Variants in SLC14A2 observed in about 807,000 individuals in gnomAD.
SLC14A2 encodes solute carrier family 14 member 2, also known as urea transporter 2.
Under a neutral mutation model 104.6 loss-of-function variants are expected in SLC14A2, and 91 were observed. The observed-to-expected ratio is 0.87, with a 90% CI of 0.73 to 1.04. The LOEUF (loss-of-function observed/expected upper bound fraction) is 1.04, where lower values mean the gene tolerates loss of function less well. Ranked by LOEUF, SLC14A2 falls within the 50% of genes least tolerant of loss-of-function variation. SLC14A2 has a pLI of 0.00. For missense variants in SLC14A2, 1,189 were observed against 1,156.0 expected (o/e 1.03, Z -0.41); for synonymous variants, 476 against 466.4 (o/e 1.02, Z -0.27).
At chr18:45,212,313 T>G (rs1313929831), upstream of SLC14A2, among the ~76,000 whole-genome samples, 2 of 152,200 alleles carry the variant, frequency 1.3e-5, no homozygotes, top group South Asian at 2.1e-4. Context: ...TGGTATGAGG[T>G]ATAACTGTAT....
At chr18:45,192,084 A>G in the SLC14A2 span, among the ~76,000 whole-genome samples, 2 of 152,264 alleles carry the variant, frequency 1.3e-5, no homozygotes, top group East Asian at 3.9e-4. Flanking sequence ...TCAGCTTTCA[A>G]CTGTGCTTCA....
intron 5 of SLC14A2, among the ~76,000 whole-genome samples, chr18:45,635,532 T>G (rs2045405440): frequency 6.6e-6 from 1 of 152,128 alleles, no homozygotes; most frequent in Admixed American, 6.5e-5. Context: ...CTTAGCAAGA[T>G]AGATGCCATT....
chr18:45,480,714 G>C (rs1187012601), intron 1 of SLC14A2, among the ~76,000 whole-genome samples: 1 of 152,174 alleles, frequency 6.6e-6, no homozygotes, highest in Non-Finnish European at 1.5e-5. Flanking sequence ...GCCTGCATGG[G>C]CTTTCATTAG....
intron 1 of SLC14A2, among the ~76,000 whole-genome samples, chr18:45,346,081 G>A (rs755237028): frequency 3.3e-5 from 5 of 152,094 alleles, no homozygotes; most frequent in East Asian, 3.8e-4. Context: ...ACTTCTATTC[G>A]CACATGTTTT....
At chr18:45,255,370 A>G (rs1442958892) in intron 1 of SLC14A2, among the ~76,000 whole-genome samples, 1 of 152,228 alleles carries the variant, frequency 6.6e-6, no homozygotes, top group Non-Finnish European at 1.5e-5. Flanking sequence ...GGATTGAGCA[A>G]GATGGCTCTT....
At chr18:45,564,027 G>A (rs546117850) in intron 2 of SLC14A2, among the ~76,000 whole-genome samples, 2 of 152,296 alleles carry the variant, frequency 1.3e-5, no homozygotes, top group South Asian at 4.1e-4. Context: ...CATTGTAGTG[G>A]CGTATAATGA....
intron 1 of SLC14A2, among the ~76,000 whole-genome samples, chr18:45,392,563 C>T (rs1357532254): frequency 1.3e-5 from 2 of 152,128 alleles, no homozygotes; most frequent in Non-Finnish European, 2.9e-5. Context: ...ATATACCATG[C>T]TTACATCAAG....
At chr18:45,372,319 T>C (rs2085731895) in intron 1 of SLC14A2, among the ~76,000 whole-genome samples, 1 of 137,318 alleles carries the variant, frequency 7.3e-6, no homozygotes, top group East Asian at 1.9e-4. Flanking sequence ...TCAAAAACAA[T>C]AATAATAATA....
At chr18:45,216,635 C>T (rs186018988) in intron 1 of SLC14A2, among the ~76,000 whole-genome samples, 113 of 152,284 alleles carry the variant, frequency 7.4e-4, no homozygotes, top group African/African-American at 9.4e-4. Flanking sequence ...CTCACAGTAC[C>T]GCTGCATGCA....
intron 1 of SLC14A2, among the ~76,000 whole-genome samples, chr18:45,414,645 G>A (rs1356135200): frequency 1.3e-5 from 2 of 149,888 alleles, no homozygotes; most frequent in Non-Finnish European, 3.0e-5. Flanking sequence ...TTTTTCAGAG[G>A]AAAGTTAGTC....
chr18:45,432,303 G>A (rs2086528945), intron 1 of SLC14A2, among the ~76,000 whole-genome samples: 1 of 152,138 alleles, frequency 6.6e-6, no homozygotes, highest in Admixed American at 6.5e-5. Flanking sequence ...GGGGCAGGCG[G>A]GACCCAGGTG....
At chr18:45,593,132 A>G (rs1442292717) in intron 2 of SLC14A2, among the ~76,000 whole-genome samples, 1 of 152,142 alleles carries the variant, frequency 6.6e-6, no homozygotes, top group African/African-American at 2.4e-5. Context: ...CCTGGCTAAC[A>G]TGGTGAAACC....
chr18:45,551,866 C>T (rs1216119363), intron 2 of SLC14A2, among the ~76,000 whole-genome samples: 1 of 152,130 alleles, frequency 6.6e-6, no homozygotes, highest in Non-Finnish European at 1.5e-5. Context: ...GTGGAAATTC[C>T]CTTTGTCCAT....
At chr18:45,302,454 A>G (rs373456062) in intron 1 of SLC14A2, among the ~76,000 whole-genome samples, 1 of 152,188 alleles carries the variant, frequency 6.6e-6, no homozygotes, top group African/African-American at 2.4e-5. Context: ...ACTTTGTCCA[A>G]ATTCTCTCAG....
chr18:45,533,740 G>T (rs984021143), intron 2 of SLC14A2, among the ~76,000 whole-genome samples: 2 of 152,098 alleles, frequency 1.3e-5, no homozygotes, highest in Non-Finnish European at 2.9e-5. Context: ...CCTTCTGCTA[G>T]CTTTTGAATG....
chr18:45,607,715 T>C (rs923069), intron 2 of SLC14A2, among the ~76,000 whole-genome samples: 102,899 of 151,508 alleles, frequency 0.68, 35,436 homozygotes, highest in East Asian at 0.85. Context: ...AGGAGGAGCG[T>C]AACTGGGTTT....
chr18:45,255,403 A>T (rs1402569341), intron 1 of SLC14A2, among the ~76,000 whole-genome samples: 1 of 152,218 alleles, frequency 6.6e-6, no homozygotes, highest in African/African-American at 2.4e-5. Context: ...TTTTGTGGCC[A>T]AAAAGGGAGA....
At chr18:45,649,472 T>A (rs1278820332) in intron 10 of SLC14A2, among the ~76,000 whole-genome samples, 1 of 152,226 alleles carries the variant, frequency 6.6e-6, no homozygotes, top group African/African-American at 2.4e-5. Context: ...AGCCCCTACA[T>A]CATACATTCC....
At chr18:45,628,740 GTAT>G (rs1339384391) in intron 4 of SLC14A2, among the ~76,000 whole-genome samples, 1 of 152,194 alleles carries the variant, frequency 6.6e-6, no homozygotes, top group African/African-American at 2.4e-5. Context: ...GTAATGGTAA[GTAT>G]TATTTGGTGG....
Sources: gnomAD v4.1 joint callset for allele counts (sites outside exome capture counted in the v4.1 genomes callset) on GRCh38, gnomAD v4.1.1 for gene constraint, MANE v1.5 for transcripts, NCBI Gene and HGNC (gene_info 2026-07-23, HGNC 2026-07-21) for gene names.